Variants in PRKG1 observed in about 807,000 individuals in gnomAD.
The protein encoded by PRKG1 is protein kinase cGMP-dependent 1, also known as cGMP-dependent protein kinase 1.
Under a neutral mutation model 88.1 loss-of-function variants are expected in PRKG1, and 35 were observed. That is an observed-to-expected ratio of 0.40 (90% CI 0.30 to 0.53). PRKG1 has a LOEUF of 0.53. PRKG1 is among the 20% of genes least tolerant of loss of function. The probability of loss-of-function intolerance (pLI) is 0.59; values close to 1 mark genes in which losing one functional copy is unlikely to be tolerated. For missense variants in PRKG1, 540 were observed against 839.8 expected (o/e 0.64, Z 4.41); for synonymous variants, 303 against 292.5 (o/e 1.04, Z -0.37).
At chr10:51,459,391 T>A (rs1036095505) in intron 2 of PRKG1, among the ~76,000 whole-genome samples, 8 of 152,164 alleles carry the variant, frequency 5.3e-5, no homozygotes, top group Admixed American at 5.2e-4. Flanking sequence ...AACCTCTAGC[T>A]TCTTCATTTT....
At chr10:52,021,228 TG>T (rs1361429772) in intron 5 of PRKG1, among the ~76,000 whole-genome samples, 9 of 152,306 alleles carry the variant, frequency 5.9e-5, no homozygotes, top group Admixed American at 1.3e-4. Context: ...TAAGGAAGTG[TG>T]GCACTTGAGG....
intron 5 of PRKG1, among the ~76,000 whole-genome samples, chr10:51,995,065 G>A (rs1336991373): frequency 6.9e-6 from 1 of 144,428 alleles, no homozygotes. Flanking sequence ...ACTAGATCCA[G>A]AGAGGTTAAA....
chr10:52,232,667 C>G (rs1379872661), intron 9 of PRKG1, among the ~76,000 whole-genome samples: 3 of 152,184 alleles, frequency 2.0e-5, no homozygotes, highest in Admixed American at 6.5e-5. Context: ...ATCACAAGTA[C>G]TACAGAAATG....
intron 2 of PRKG1, among the ~76,000 whole-genome samples, chr10:51,414,939 A>G (rs1160894500): frequency 6.6e-6 from 1 of 152,252 alleles, no homozygotes; most frequent in Admixed American, 6.5e-5. Context: ...CTGAATTAGA[A>G]TGATGAATAA....
chr10:51,886,998 A>G (rs1323604481), intron 4 of PRKG1, among the ~76,000 whole-genome samples: 4 of 151,902 alleles, frequency 2.6e-5, no homozygotes, highest in East Asian at 3.9e-4. Context: ...TATGATTGGT[A>G]TTTTTTGAGA....
At chr10:52,102,053 C>A (rs1847305397) in intron 7 of PRKG1, among the ~76,000 whole-genome samples, 1 of 152,162 alleles carries the variant, frequency 6.6e-6, no homozygotes, top group Admixed American at 6.5e-5. Flanking sequence ...AGCTGACAGT[C>A]TTATGGATGC....
chr10:51,079,756 TA>T lies in PRKG1; in HGVS notation c.311+4856del, dbSNP rs1177559837. On this transcript the variant is annotated intron_variant, in intron 1 of 17. Transcript: ENST00000373980. ...ACTAATGCAGTTCTGAATGCCAGAA[TA>T]TCAGTTCAGCTTTCTTACCCCCACC... is the stretch of plus-strand genomic sequence containing the variant. Among the ~76,000 whole-genome samples the T allele has an allele frequency of 9.2e-5, 14 of 152,088 alleles. 1 individual carries two copies. The highest frequency in any genetic ancestry group is 8.5e-4 in the Admixed American group (13 of 15,268).
chr10:51,744,593 T>C (rs978201547), intron 3 of PRKG1, among the ~76,000 whole-genome samples: 12 of 152,224 alleles, frequency 7.9e-5, no homozygotes, highest in African/African-American at 2.9e-4. Flanking sequence ...ATTTCATGTA[T>C]AATTTTCTTG....
rs113268587 is a variant in PRKG1, at chr10:52,217,296, T to C, written c.1077-34274T>C. 1.6e-3 allele frequency among the ~76,000 whole-genome samples: 246 copies of C among 152,160 alleles called. 2 individuals are homozygous for C. The highest frequency in any genetic ancestry group is 5.5e-3 in the African/African-American group (227 of 41,522). On this transcript the variant is annotated intron_variant, in intron 9 of 17. Transcript: ENST00000373980. ...GAGAGGCTAGAGTTATCCTGAGAGA[T>C]GTGCGGGGTAAATATACATATACAC...
chr10:51,392,614 G>A lies in PRKG1; in HGVS notation c.479-75109G>A, dbSNP rs1398236706. ...CTTTCTATTCCACAAAACCGCCATT[G>A]TCATCATGGCGCGTTCTCAATGAGC... On this transcript the variant is annotated intron_variant, in intron 2 of 17. Transcript: ENST00000373980. 2.6e-5 allele frequency among the ~76,000 whole-genome samples: 4 copies of A among 151,236 alleles called. No homozygotes were observed. The East Asian group carries it at 7.8e-4, about 29-fold the overall frequency.
rs142824710 is a variant in PRKG1 at position 51,896,092 on chromosome 10, C to T, written c.699-11415C>T. On this transcript the variant is annotated intron_variant, in intron 4 of 17. Transcript: ENST00000373980. ...TTAAACAATGAATGTGATTTAATAT[C>T]TTCCTGAAAAAGAAAGGCTGGTACT... Among the ~76,000 whole-genome samples the T allele has an allele frequency of 1.1e-3, 170 of 152,190 alleles. 2 individuals are homozygous for T. In the East Asian group the frequency reaches 0.025, roughly 22 times the overall value.
At chr10:51,267,640 A>C (rs1248406738) in intron 2 of PRKG1, among the ~76,000 whole-genome samples, 1 of 152,146 alleles carries the variant, frequency 6.6e-6, no homozygotes, top group African/African-American at 2.4e-5. Flanking sequence ...CTCATCTCTC[A>C]CCTTATATAA....
At chr10:51,242,200 C>A (rs543419785) in intron 2 of PRKG1, among the ~76,000 whole-genome samples, 15 of 152,152 alleles carry the variant, frequency 9.9e-5, no homozygotes, top group African/African-American at 3.1e-4. Context: ...GCCCAATAAC[C>A]AAGCGCAAGT....
At chr10:51,751,765 G>A (rs1474231229) in intron 3 of PRKG1, among the ~76,000 whole-genome samples, 5 of 151,374 alleles carry the variant, frequency 3.3e-5, no homozygotes, top group South Asian at 2.1e-4. Flanking sequence ...TATTTTTAAG[G>A]TCCTTGAACT....
chr10:51,905,237 A>G (rs969014403), intron 4 of PRKG1, among the ~76,000 whole-genome samples: 23 of 152,278 alleles, frequency 1.5e-4, no homozygotes, highest in African/African-American at 4.8e-4. Flanking sequence ...TAAACCCCAC[A>G]TGGCTCAGAC....
chr10:51,500,837 T>C (rs1251502359), intron 3 of PRKG1, among the ~76,000 whole-genome samples: 1 of 152,150 alleles, frequency 6.6e-6, no homozygotes, highest in East Asian at 1.9e-4. Flanking sequence ...ACTTCTCAAT[T>C]TGGTTCTTAA....
intron 10 of PRKG1, among the ~76,000 whole-genome samples, chr10:52,260,238 T>C (rs1841402005): frequency 6.6e-6 from 1 of 152,126 alleles, no homozygotes; most frequent in Admixed American, 6.6e-5. Flanking sequence ...GTTAGCCTTT[T>C]TGTAACATCA....
chr10:52,254,164 T>A (rs1841253014), intron 10 of PRKG1, among the ~76,000 whole-genome samples: 1 of 152,022 alleles, frequency 6.6e-6, no homozygotes, highest in Admixed American at 6.6e-5. Context: ...TGTCACGGAA[T>A]ATAATCAATC....
At position 52,274,466 on chromosome 10, in the gene PRKG1, A is replaced by C. The variant is rs1414975789; in HGVS notation, c.1403+1985A>C. On this transcript the variant is annotated intron_variant, in intron 12 of 17. Coordinates refer to ENST00000373980, the MANE Select transcript of PRKG1 (RefSeq NM_006258.4). ...AAATGCTGTTAATTCATTCCTTTTT[A>C]TGGCTGTGTAGTATTCCATCATATA... Among the ~76,000 whole-genome samples the C allele has an allele frequency of 2.0e-5, 3 of 151,362 alleles. No individual in the cohort carries two copies. In the East Asian group the frequency reaches 5.8e-4, roughly 29 times the overall value.
Sources: gnomAD v4.1 joint callset for allele counts (sites outside exome capture counted in the v4.1 genomes callset) on GRCh38, gnomAD v4.1.1 for gene constraint, MANE v1.5 for transcripts, NCBI Gene and HGNC (gene_info 2026-07-23, HGNC 2026-07-21) for gene names.